RBMS3: variants seen among roughly 807,000 people sequenced by gnomAD.
RBMS3 encodes the protein RNA binding motif single stranded interacting protein 3.
In RBMS3, 27 loss-of-function variants were observed where a neutral mutation model predicts 66.8. The observed-to-expected ratio is 0.40, with a 90% CI of 0.30 to 0.56. The LOEUF (loss-of-function observed/expected upper bound fraction) is 0.56, where lower values mean the gene tolerates loss of function less well. RBMS3 is among the 20% of genes least tolerant of loss of function. The pLI is 0.40. For synonymous variants in RBMS3, 188 were observed against 183.0 expected (o/e 1.03, Z -0.22); for missense variants, 513 against 549.5 (o/e 0.93, Z 0.66).
At chr3:29,874,800 G>T (rs1274648191) in intron 7 of RBMS3, among the ~76,000 whole-genome samples, 3 of 152,104 alleles carry the variant, frequency 2.0e-5, no homozygotes, top group Non-Finnish European at 2.9e-5. Flanking sequence ...TTCTTATTTA[G>T]TTAAGTGTTC....
chr3:29,962,996 G>C (rs891605391), intron 12 of RBMS3, among the ~76,000 whole-genome samples: 1 of 147,674 alleles, frequency 6.8e-6, no homozygotes, highest in Non-Finnish European at 1.5e-5. Context: ...TTCCAGTTCT[G>C]TATCCCCTGT....
In RBMS3 at chr3:29,739,696, T is replaced by C. The variant is rs13322661; in HGVS notation, c.400-24T>C. 3.6e-3 allele frequency: 5,534 copies of C among 1,556,608 alleles called. 162 individuals are homozygous for C. In the African/African-American group the frequency reaches 0.067, roughly 19 times the overall value. On this transcript the variant is annotated intron_variant, in intron 4 of 14. Transcript: ENST00000383767. Reference sequence around the variant, plus strand: ...GTTTCTCAATACTCAGAACTTACCATATTTGTTACTTTCCTTCCCTTAGCA... The same window carrying C: ...GTTTCTCAATACTCAGAACTTACCACATTTGTTACTTTCCTTCCCTTAGCA...
chr3:29,335,767 G>C (rs1030618176), intron 1 of RBMS3, among the ~76,000 whole-genome samples: 1 of 152,156 alleles, frequency 6.6e-6, no homozygotes, highest in Non-Finnish European at 1.5e-5. Context: ...AGCCTGAATA[G>C]AAAGAGACTA....
chr3:29,320,741 G>A (rs1047353598), intron 1 of RBMS3, among the ~76,000 whole-genome samples: 2 of 152,130 alleles, frequency 1.3e-5, no homozygotes, highest in East Asian at 3.9e-4. Context: ...TAGTTATTAA[G>A]AATTTGAATA....
At chr3:29,483,281 C>T (rs1483245763) in intron 2 of RBMS3, among the ~76,000 whole-genome samples, 3 of 146,362 alleles carry the variant, frequency 2.0e-5, no homozygotes, top group African/African-American at 7.6e-5. Context: ...TGCACTCCAG[C>T]CTGGGCGACA....
At chr3:29,339,037 G>A (rs1450071236) in intron 1 of RBMS3, among the ~76,000 whole-genome samples, 1 of 152,144 alleles carries the variant, frequency 6.6e-6, no homozygotes, top group African/African-American at 2.4e-5. Flanking sequence ...GTCAGCCACT[G>A]TAAGCCAGGA....
chr3:29,995,999 C>T (rs1158806622), intron 14 of RBMS3, among the ~76,000 whole-genome samples: 1 of 152,170 alleles, frequency 6.6e-6, no homozygotes, highest in Non-Finnish European at 1.5e-5. Flanking sequence ...CAAGACCCAT[C>T]AGTGTGCTGT....
chr3:29,732,549 T>C (rs906092845), intron 4 of RBMS3, among the ~76,000 whole-genome samples: 11 of 152,134 alleles, frequency 7.2e-5, no homozygotes, highest in South Asian at 4.1e-4. Context: ...GAAGCAAGTA[T>C]GGCTGAAACA....
At chr3:29,416,075 C>T (rs2040466318) in intron 1 of RBMS3, among the ~76,000 whole-genome samples, 1 of 152,132 alleles carries the variant, frequency 6.6e-6, no homozygotes, top group African/African-American at 2.4e-5. Flanking sequence ...ACATCTGTTG[C>T]TTTCAACTTT....
intron 8 of RBMS3, among the ~76,000 whole-genome samples, chr3:29,893,024 C>A (rs1243336344): frequency 1.3e-5 from 2 of 151,284 alleles, no homozygotes; most frequent in African/African-American, 4.8e-5. Flanking sequence ...TCAGATGCAA[C>A]AGTAGCCTCT....
At chr3:29,864,791 G>T (rs201796105) in intron 6 of RBMS3, among the ~76,000 whole-genome samples, 1 of 72,024 alleles carries the variant, frequency 1.4e-5, no homozygotes, top group African/African-American at 3.0e-5. Flanking sequence ...TAAGAAAAAT[G>T]AGTCACAGAA....
intron 1 of RBMS3, among the ~76,000 whole-genome samples, chr3:29,347,633 G>T (rs1372591126): frequency 1.3e-5 from 2 of 152,136 alleles, no homozygotes; most frequent in African/African-American, 4.8e-5. Flanking sequence ...CCAAGGTTAT[G>T]ACAAAGATTT....
At chr3:29,423,925 T>A (rs1426316568) in intron 1 of RBMS3, among the ~76,000 whole-genome samples, 1 of 152,098 alleles carries the variant, frequency 6.6e-6, no homozygotes, top group Non-Finnish European at 1.5e-5. Flanking sequence ...CCTTGAAAAG[T>A]CGTTTAACCT....
At chr3:29,391,675 TAGGG>T (rs1430660802) in intron 1 of RBMS3, among the ~76,000 whole-genome samples, 4 of 152,210 alleles carry the variant, frequency 2.6e-5, no homozygotes, top group Non-Finnish European at 1.5e-5. Context: ...TGGGAAGGGT[TAGGG>T]AGGGAGACAA....
intron 6 of RBMS3, among the ~76,000 whole-genome samples, chr3:29,807,036 G>A (rs1001608833): frequency 6.6e-6 from 1 of 151,820 alleles, no homozygotes; most frequent in Non-Finnish European, 1.5e-5. Context: ...CTGTAAGATG[G>A]TTGCCTGTGA....
chr3:29,828,599 A>C (rs753256797), intron 6 of RBMS3, among the ~76,000 whole-genome samples: 18 of 152,210 alleles, frequency 1.2e-4, no homozygotes, highest in Non-Finnish European at 2.2e-4. Context: ...CTTAAATAAG[A>C]AATATATATT....
intron 10 of RBMS3, among the ~76,000 whole-genome samples, chr3:29,930,109 C>CTTATTTT (rs2061071754): frequency 2.3e-5 from 1 of 43,556 alleles, no homozygotes; most frequent in African/African-American, 6.3e-5. Flanking sequence ...TTCTTTCTTT[C>CTTATTTT]TTTTTTTTTT....
chr3:29,854,721 A>C (rs1006976213), intron 6 of RBMS3, among the ~76,000 whole-genome samples: 1 of 152,242 alleles, frequency 6.6e-6, no homozygotes, highest in African/African-American at 2.4e-5. Flanking sequence ...GGCATTGTCT[A>C]CAAGAGTGAA....
At chr3:29,524,415 ATTTTTTTTT>A (rs1222102515) in intron 3 of RBMS3, among the ~76,000 whole-genome samples, 1 of 57,072 alleles carries the variant, frequency 1.8e-5, no homozygotes, top group Non-Finnish European at 3.1e-5. Flanking sequence ...CTCCCTTTAC[ATTTTTTTTT>A]TTTTTTTTTT....
Sources: gnomAD v4.1 joint callset for allele counts (sites outside exome capture counted in the v4.1 genomes callset) on GRCh38, gnomAD v4.1.1 for gene constraint, MANE v1.5 for transcripts, NCBI Gene and HGNC (gene_info 2026-07-23, HGNC 2026-07-21) for gene names.